DPYSL2: variants seen among roughly 807,000 people sequenced by gnomAD.
DPYSL2 encodes the protein dihydropyrimidinase-related protein 2.
Under a neutral mutation model 69.9 loss-of-function variants are expected in DPYSL2, and 13 were observed. The observed-to-expected ratio is 0.19, with a 90% CI of 0.12 to 0.30. The LOEUF (loss-of-function observed/expected upper bound fraction) is 0.30, where lower values mean the gene tolerates loss of function less well. DPYSL2 is among the 10% of genes least tolerant of loss of function. DPYSL2 has a pLI of 1.00. For missense variants in DPYSL2, 587 were observed against 918.9 expected (o/e 0.64, Z 4.67); for synonymous variants, 326 against 359.1 (o/e 0.91, Z 1.04).
chr8:26,634,428 C>CTTTTTTTTTTTTTTTT (rs55746168), intron 7 of DPYSL2, among the ~76,000 whole-genome samples: 4 of 91,146 alleles, frequency 4.4e-5, no homozygotes, highest in East Asian at 7.7e-4. Flanking sequence ...CCATGCCCAG[C>CTTTTTTTTTTTTTTTT]TTTTTTTTTT....
At chr8:26,529,929 G>T (rs1800476909) in intron 1 of DPYSL2, among the ~76,000 whole-genome samples, 1 of 151,176 alleles carries the variant, frequency 6.6e-6, no homozygotes, top group Non-Finnish European at 1.5e-5. Context: ...TGGCTAACAT[G>T]CTGAAACCTC....
intron 1 of DPYSL2, among the ~76,000 whole-genome samples, chr8:26,540,145 T>C (rs1234697860): frequency 6.6e-6 from 1 of 151,960 alleles, no homozygotes; most frequent in Admixed American, 6.6e-5. Context: ...TGCACAAACA[T>C]AATGGGAAGT....
intron 1 of DPYSL2, chr8:26,548,357 G>A (rs574387621): frequency 9.3e-5 from 23 of 246,460 alleles, no homozygotes; most frequent in Admixed American, 2.3e-4. Context: ...GAAGCAACCT[G>A]GAGAAAATTG....
chr8:26,647,581 C>T lies in DPYSL2; in HGVS notation c.1426-49C>T. The T allele has an allele frequency of 6.5e-7, 1 of 1,536,972 alleles. No individual in the cohort carries two copies. The highest frequency in any genetic ancestry group is 1.3e-5 in the South Asian group (1 of 79,970). On this transcript the variant is annotated intron_variant, in intron 10 of 13. Transcript: ENST00000521913. This position sits in a 1 kb window ranked among gnomAD's most constrained non-coding sequence, Gnocchi z 5.1. ...TTGTTATTGAAAAGTAACTTTTTAA[C>T]TCGTTTCTGCTGTGTGCCTCCTGTG...
rs1191862722 is a variant in DPYSL2 at position 26,516,385 on chromosome 8, G to T, written c.354+1706G>T. On this transcript the variant is annotated intron_variant, in intron 1 of 13. Coordinates refer to ENST00000521913, the MANE Select transcript of DPYSL2 (RefSeq NM_001197293.3). The surrounding 1 kb of genome is among the most constrained non-coding windows in gnomAD (Gnocchi z 4.8). ...ATCTTGGTTGAGTGAGTAGCCTCAT[G>T]CATGGCGAGTTGTGCTGGTGATTGT... 1.3e-5 allele frequency among the ~76,000 whole-genome samples: 2 copies of T among 152,212 alleles called. No individual in the cohort carries two copies. The highest frequency in any genetic ancestry group is 4.8e-5 in the African/African-American group (2 of 41,452).
chr8:26,530,173 A>C (rs1563376256), intron 1 of DPYSL2, among the ~76,000 whole-genome samples: 1 of 151,876 alleles, frequency 6.6e-6, no homozygotes, highest in Non-Finnish European at 1.5e-5. Flanking sequence ...AGAAAAAAAA[A>C]CCAACAACTA....
At chr8:26,578,139 C>T (rs2129716510) in intron 1 of DPYSL2, 1 of 1,582,302 alleles carries the variant, frequency 6.3e-7, no homozygotes, top group Non-Finnish European at 8.5e-7. Flanking sequence ...CGGTTGCACC[C>T]TTTTCAATCT....
At chr8:26,623,669 C>T (rs926438872) in intron 3 of DPYSL2, among the ~76,000 whole-genome samples, 2 of 152,178 alleles carry the variant, frequency 1.3e-5, no homozygotes, top group Non-Finnish European at 2.9e-5. Context: ...GAAATGTGAG[C>T]GGTAATGAGA....
Position 26,578,936 on chromosome 8 carries a change from C to T in DPYSL2, c.355-3033C>T, listed in dbSNP as rs531804963. Among the ~76,000 whole-genome samples, 77 of 129,666 alleles carry T rather than the reference C, an allele frequency of 5.9e-4. No individual in the cohort carries two copies. In the Middle Eastern group the frequency reaches 0.012, roughly 20 times the overall value. 85.1% of individuals were successfully genotyped at this position (129,666 alleles called of 152,430 possible). A position where few individuals can be genotyped will look rare whatever the true frequency, so the allele number is the denominator to read the frequency against. On this transcript the variant is annotated intron_variant, in intron 1 of 13. Coordinates refer to ENST00000521913, the MANE Select transcript of DPYSL2 (RefSeq NM_001197293.3). ...GGGCAAGGCGGGGGCTTCTTGTTGG[C>T]CAGGAACCGGTTTTGGGTGCCCCCC...
At chr8:26,583,329 C>CTT (rs71553807) in intron 2 of DPYSL2, among the ~76,000 whole-genome samples, 14 of 139,070 alleles carry the variant, frequency 1.0e-4, no homozygotes, top group South Asian at 4.5e-4. Context: ...ATAGTGTTCA[C>CTT]TTTTTTTTTT....
At chr8:26,655,396 C>G (rs368626269) in intron 13 of DPYSL2, among the ~76,000 whole-genome samples, 54 of 152,000 alleles carry the variant, frequency 3.6e-4, no homozygotes, top group African/African-American at 9.9e-4. Context: ...CTTGAGGGGG[C>G]CGAGTGGGAG....
In DPYSL2 at chr8:26,564,405, C is replaced by T. The variant is rs901132394; in HGVS notation, c.355-17564C>T. Among the ~76,000 whole-genome samples, 5 of 152,160 alleles carry T rather than the reference C, an allele frequency of 3.3e-5. No individual in the cohort carries two copies. In the East Asian group the frequency reaches 7.7e-4, roughly 24 times the overall value. On this transcript the variant is annotated intron_variant, in intron 1 of 13. Coordinates refer to ENST00000521913, the MANE Select transcript of DPYSL2 (RefSeq NM_001197293.3). This position sits in a 1 kb window ranked among gnomAD's most constrained non-coding sequence, Gnocchi z 4.8. ...GGAGGAGTTTTCCAAGCTCAAGGGA[C>T]TGAGAGGTGGAGAGGAAGACTTTGA...
At position 26,597,138 on chromosome 8, in the gene DPYSL2, G is replaced by A. The variant is rs1801879668; in HGVS notation, c.628+13155G>A. ...TCACCAAGACGGTGGTATATTGGGT[G>A]TCTCTTCTCTCCTACAGAAGCCCTG... On this transcript the variant is annotated intron_variant, in intron 3 of 13. Coordinates refer to ENST00000521913, the MANE Select transcript of DPYSL2 (RefSeq NM_001197293.3). This position sits in a 1 kb window ranked among gnomAD's most constrained non-coding sequence, Gnocchi z 5.2. Among the ~76,000 whole-genome samples, 2 of 152,222 alleles carry A rather than the reference G, an allele frequency of 1.3e-5. No individual in the cohort carries two copies. The highest frequency in any genetic ancestry group is 4.8e-5 in the African/African-American group (2 of 41,464).
In DPYSL2 at chr8:26,626,300, G is replaced by C. The variant is rs1802609816; in HGVS notation, c.794-317G>C. 6.6e-6 allele frequency among the ~76,000 whole-genome samples: 1 copy of C among 152,144 alleles called. No homozygotes were observed. Among genetic ancestry groups the C allele is most frequent in the Non-Finnish European group, 1.5e-5 (1 of 68,030 alleles). On this transcript the variant is annotated intron_variant, in intron 4 of 13. Transcript: ENST00000521913. The surrounding 1 kb of genome is among the most constrained non-coding windows in gnomAD (Gnocchi z 4.3). ...TTGTGAATAATTCTGCTATGAACAT[G>C]GATGTGCAAACACTGGCAACTTTTA...
intron 13 of DPYSL2, 60 bp from the exon 14 acceptor site, chr8:26,655,555 C>A: frequency 7.1e-7 from 1 of 1,409,218 alleles, no homozygotes; most frequent in Non-Finnish European, 9.7e-7. Context: ...CACCTTCAAG[C>A]AGGATCTTGT....
intron 1 of DPYSL2, among the ~76,000 whole-genome samples, chr8:26,520,194 G>A (rs11984577): frequency 6.6e-6 from 1 of 152,100 alleles, no homozygotes; most frequent in Non-Finnish European, 1.5e-5. Flanking sequence ...TGCCATGATT[G>A]TGAGGCCTCC....
chr8:26,535,890 T>C (rs1201556974), intron 1 of DPYSL2, among the ~76,000 whole-genome samples: 1 of 140,020 alleles, frequency 7.1e-6, no homozygotes. Flanking sequence ...TTATAAGCTC[T>C]CTATGGGTTG....
rs748067169 is a variant in DPYSL2 at position 26,529,268 on chromosome 8, CTATCTATCATCTATCT to C, written c.354+14590_354+14605del. 1.5e-3 allele frequency among the ~76,000 whole-genome samples: 223 copies of C among 149,014 alleles called. 2 individuals are homozygous for C. Among genetic ancestry groups the C allele is most frequent in the Admixed American group, 3.4e-3 (51 of 14,946 alleles). On this transcript the variant is annotated intron_variant, in intron 1 of 13. Transcript: ENST00000521913. ...TCTATCTATCTATCTATCTATCTAT[CTATCTATCATCTATCT>C]ATCTATCTATCTATCTATCATCTAT...
At chr8:26,579,426 A>T (rs933320368) in intron 1 of DPYSL2, among the ~76,000 whole-genome samples, 2 of 152,210 alleles carry the variant, frequency 1.3e-5, no homozygotes, top group Non-Finnish European at 2.9e-5. Flanking sequence ...TTATATAAGG[A>T]TGTGCAATTG....
Sources: gnomAD v4.1 joint callset for allele counts (sites outside exome capture counted in the v4.1 genomes callset) on GRCh38, gnomAD v4.1.1 for gene constraint, Gnocchi (gnomAD v3.1) non-coding constraint, MANE v1.5 for transcripts, NCBI Gene and HGNC (gene_info 2026-07-23, HGNC 2026-07-21) for gene names.